Variants in EGF observed in about 807,000 individuals in gnomAD.
EGF encodes the protein epidermal growth factor.
In EGF, 95 loss-of-function variants were observed where a neutral mutation model predicts 143.8. The ratio of observed to expected loss-of-function variants is 0.66; its 90% confidence interval spans 0.56 to 0.78. The LOEUF is 0.78. Among genes scored for constraint, EGF ranks in the 30% least tolerant of loss-of-function variants. EGF has a pLI of 0.00. For synonymous variants in EGF, 510 were observed against 510.5 expected (o/e 1.00, Z 0.01); for missense variants, 1,320 against 1,470.9 (o/e 0.90, Z 1.68).
chr4:110,011,502 C>T lies in EGF; in HGVS notation c.*47C>T, dbSNP rs1753999467. On this transcript the variant is annotated 3_prime_UTR_variant, in exon 24 of 24. Coordinates refer to ENST00000265171, the MANE Select transcript of EGF (RefSeq NM_001963.6). ...TCAAGAAGAATGAACTATGTCGATG[C>T]ACAGTATCTTTTCTTTCAAAAGTAG... 2 of 1,613,766 alleles carry T rather than the reference C, an allele frequency of 1.2e-6. No homozygotes were observed. Among genetic ancestry groups the T allele is most frequent in the Non-Finnish European group, 8.5e-7 (1 of 1,179,926 alleles).
At chr4:109,956,393 G>T (rs1373106106) in intron 5 of EGF, among the ~76,000 whole-genome samples, 1 of 152,136 alleles carries the variant, frequency 6.6e-6, no homozygotes, top group Non-Finnish European at 1.5e-5. Flanking sequence ...GTTATCTCAA[G>T]AAAGTGTAGC....
At chr4:109,986,246 A>T (rs993898897) in intron 16 of EGF, among the ~76,000 whole-genome samples, 1 of 152,216 alleles carries the variant, frequency 6.6e-6, no homozygotes, top group Non-Finnish European at 1.5e-5. Flanking sequence ...TAAATCCTGA[A>T]TCATATTCTA....
chr4:109,951,962 T>C (rs920856700), intron 5 of EGF, among the ~76,000 whole-genome samples: 3 of 152,196 alleles, frequency 2.0e-5, no homozygotes, highest in African/African-American at 4.8e-5. Flanking sequence ...TTTTCTTTAA[T>C]GTTTTTTTTC....
intron 1 of EGF, among the ~76,000 whole-genome samples, chr4:109,921,616 C>A (rs1560626760): frequency 1.3e-5 from 2 of 151,498 alleles, no homozygotes; most frequent in African/African-American, 4.9e-5. Flanking sequence ...TCCATTCAGA[C>A]TAACTTCCCA....
Position 109,983,438 on chromosome 4 carries a change from A to G in EGF, c.2388A>G (p.Leu796=), listed in dbSNP as rs888214098. ...CTTCAATAGGTGGTGAAGTTGATCTAAAGAACCAAGTAACACCATTGGACA... is the reference window on the plus strand; with the variant it reads ...CTTCAATAGGTGGTGAAGTTGATCTGAAGAACCAAGTAACACCATTGGACA... ...HQLLAGGEVD[L]KNQVTPLDIL... The change falls in exon 16 of 24, where the codon CTA becomes CTG. Residue 796 remains leucine (L), a synonymous_variant. Coordinates refer to ENST00000265171, the MANE Select transcript of EGF (RefSeq NM_001963.6). 2 of 1,613,702 alleles carry G rather than the reference A, an allele frequency of 1.2e-6. No individual in the cohort carries two copies. Among genetic ancestry groups the G allele is most frequent in the East Asian group, 4.5e-5 (2 of 44,828 alleles).
At position 109,974,711 on chromosome 4, in the gene EGF, T is replaced by A; in HGVS notation, c.1733T>A (p.Leu578Gln). The A allele has an allele frequency of 6.2e-7, 1 of 1,612,778 alleles. No homozygotes were observed. The highest frequency in any genetic ancestry group is 8.5e-7 in the Non-Finnish European group (1 of 1,178,924). Residue 578 changes from leucine (L) to glutamine (Q), a missense_variant, in exon 12 of 24, where the codon CTG becomes CAG. Physicochemically the swap from Leu to Gln is moderately radical, Grantham distance 113 (BLOSUM62 -2). This residue lies in a region of EGF where 1,186 missense variants were observed against 1,313.7 expected (regional missense o/e 0.90). Transcript: ENST00000265171. ...TTTTGCACATATTTTAGGAAATCTCTGATTGGAAGGAGTGATTTAAATGGG... is the reference window on the plus strand; with the variant it reads ...TTTTGCACATATTTTAGGAAATCTCAGATTGGAAGGAGTGATTTAAATGGG... Reference protein sequence around the residue: ...RFYWTDRGKSLIGRSDLNGKR... With the variant: ...RFYWTDRGKSQIGRSDLNGKR...
intron 1 of EGF, among the ~76,000 whole-genome samples, chr4:109,917,222 T>A (rs1179324244): frequency 6.6e-6 from 1 of 152,188 alleles, no homozygotes; most frequent in African/African-American, 2.4e-5. Flanking sequence ...ATTAAAAGCA[T>A]ATAAAAATGG....
rs185277473 is a variant in EGF at position 109,964,443 on chromosome 4, G to A, written c.1481G>A (p.Arg494Gln). 1.5e-5 allele frequency: 25 copies of A among 1,613,910 alleles called. No individual in the cohort carries two copies. The highest frequency in any genetic ancestry group is 5.0e-5 in the Admixed American group (3 of 60,010). ...CTGTTTGCCAATTCTCAAGATATTC[G>A]ACACATGCATTTTGATGGAACAGAC... Reference protein sequence around the residue: ...FLLFANSQDIRHMHFDGTDYG... With the variant: ...FLLFANSQDIQHMHFDGTDYG... The change falls in exon 10 of 24, where the codon CGA becomes CAA. Residue 494 changes from arginine to glutamine, a missense_variant. By Grantham distance (43) the Arg-to-Gln change is conservative. Transcript: ENST00000265171.
At position 110,011,352 on chromosome 4, in the gene EGF, C is replaced by A. The variant is rs28592692; in HGVS notation, c.3521C>A (p.Thr1174Asn). The A allele has an allele frequency of 1.6e-3, 2,621 of 1,614,126 alleles. 38 individuals carry two copies. The African/African-American group carries it at 0.027, about 16-fold the overall frequency. The change falls in exon 24 of 24, where the codon ACC becomes AAC. Residue 1174 changes from threonine to asparagine, a missense_variant. Coordinates refer to ENST00000265171, the MANE Select transcript of EGF (RefSeq NM_001963.6). ...SFHMPSYGTQ[T>N]LEGGVEKPHS... Reference sequence around the variant, plus strand: ...CATATGCCCTCCTATGGGACACAGACCCTTGAAGGGGGTGTCGAGAAGCCC... The same window carrying A: ...CATATGCCCTCCTATGGGACACAGAACCTTGAAGGGGGTGTCGAGAAGCCC...
At position 110,013,649 on chromosome 4, in the gene EGF, T is replaced by C. The variant is rs11569156; in HGVS notation, c.*2194T>C. Among the ~76,000 whole-genome samples the C allele has an allele frequency of 0.03, 4,565 of 152,110 alleles. 238 individuals are homozygous for C. Among genetic ancestry groups the C allele is most frequent in the African/African-American group, 0.1 (4,354 of 41,488 alleles). On this transcript the variant is annotated 3_prime_UTR_variant, in exon 24 of 24. Transcript: ENST00000265171. The stretch of plus-strand genomic sequence containing the variant: ...GAATACTTTTCCTCCCTAACTCTCA[T>C]CGTCTCATTGCGCGCAACGCCTGAT...
At chr4:109,974,907 C>A in intron 12 of EGF, 100 bp downstream of exon 12, 1 of 831,122 alleles carries the variant, frequency 1.2e-6, no homozygotes, top group Non-Finnish European at 2.0e-6. Flanking sequence ...AAAATCCATG[C>A]AATTTGTTCA....
chr4:109,982,491 C>G (rs905354097), intron 15 of EGF, among the ~76,000 whole-genome samples: 2 of 151,834 alleles, frequency 1.3e-5, no homozygotes, highest in African/African-American at 4.8e-5. Context: ...TCATGCCCAG[C>G]TGATTTTTGT....
intron 5 of EGF, among the ~76,000 whole-genome samples, chr4:109,950,313 C>T (rs890995214): frequency 2.0e-5 from 3 of 152,134 alleles, no homozygotes; most frequent in African/African-American, 4.8e-5. Flanking sequence ...AAGCGGAAAC[C>T]GAGGAGTTGC....
chr4:109,980,630 A>T (rs1419478930), intron 14 of EGF, 196 bp from the exon 15 acceptor site: 8 of 658,482 alleles, frequency 1.2e-5, no homozygotes, highest in Non-Finnish European at 1.9e-5. Context: ...AGGTAATAAC[A>T]TTCTGGGCTT....
At chr4:109,935,646 A>T (rs1470827727) in intron 1 of EGF, among the ~76,000 whole-genome samples, 1 of 152,178 alleles carries the variant, frequency 6.6e-6, no homozygotes, top group African/African-American at 2.4e-5. Flanking sequence ...TTCAAAGGGA[A>T]TGCTTCCTGT....
At chr4:109,987,903 C>A (rs1416664182) in intron 17 of EGF, 43 bp downstream of exon 17, 1 of 1,462,910 alleles carries the variant, frequency 6.8e-7, no homozygotes. Flanking sequence ...CAATACTGAA[C>A]CAGAAACATT....
chr4:109,945,009 A>G (rs1742587554), intron 4 of EGF, 64 bp from the exon 5 acceptor site: 2 of 1,538,418 alleles, frequency 1.3e-6, no homozygotes, highest in Non-Finnish European at 1.8e-6. Context: ...AAATGAAGTG[A>G]AATTCTAATA....
At chr4:109,962,874 C>T (rs1210030989) in intron 8 of EGF, among the ~76,000 whole-genome samples, 1 of 152,010 alleles carries the variant, frequency 6.6e-6, no homozygotes, top group African/African-American at 2.4e-5. Context: ...TGAGACCAGC[C>T]TGGCCAACAT....
chr4:109,940,668 T>G, intron 1 of EGF: 1 of 367,950 alleles, frequency 2.7e-6, no homozygotes, highest in African/African-American at 2.0e-5. Context: ...AGGTATTTTA[T>G]GGATAAAGAG....
Sources: allele counts gnomAD v4.1 joint callset (sites outside exome capture counted in the v4.1 genomes callset), GRCh38; gene constraint gnomAD v4.1.1; regional missense constraint gnomAD v4.1.1; transcripts MANE v1.5; gene names NCBI Gene and HGNC (gene_info 2026-07-23, HGNC 2026-07-21).